Variants in SIPA1L1 observed in about 807,000 individuals in gnomAD.
The protein encoded by SIPA1L1 is signal-induced proliferation-associated 1-like protein 1.
In SIPA1L1, 26 loss-of-function variants were observed where a neutral mutation model predicts 162.7. The observed-to-expected ratio is 0.16, with a 90% confidence interval of 0.12 to 0.22. The LOEUF (loss-of-function observed/expected upper bound fraction) is 0.22, where lower values mean the gene tolerates loss of function less well. Ranked by LOEUF, SIPA1L1 falls within the 10% of genes least tolerant of loss-of-function variation. SIPA1L1 has a pLI of 1.00. For missense variants in SIPA1L1, 1,874 were observed against 2,241.0 expected (o/e 0.84, Z 3.31); for synonymous variants, 829 against 837.4 (o/e 0.99, Z 0.17).
At chr14:71,414,762 T>C (rs1043415511) in intron 2 of SIPA1L1, among the ~76,000 whole-genome samples, 14 of 152,232 alleles carry the variant, frequency 9.2e-5, no homozygotes, top group African/African-American at 3.4e-4. Context: ...TGCCAGGCTT[T>C]TCCTGAATAA....
intron 12 of SIPA1L1, among the ~76,000 whole-genome samples, chr14:71,678,138 C>G (rs2045402658): frequency 6.6e-6 from 1 of 152,288 alleles, no homozygotes; most frequent in Admixed American, 6.5e-5. Flanking sequence ...TTATTTCTTT[C>G]TCCTGCCTGA....
intron 4 of SIPA1L1, among the ~76,000 whole-genome samples, chr14:71,546,359 GT>G (rs927451157): frequency 2.9e-5 from 4 of 135,958 alleles, no homozygotes; most frequent in African/African-American, 5.5e-5. Flanking sequence ...TCTCTGTATT[GT>G]TTTTTCTTTT....
intron 4 of SIPA1L1, among the ~76,000 whole-genome samples, chr14:71,564,488 TTC>T (rs891044782): frequency 1.1e-5 from 1 of 92,858 alleles, no homozygotes; most frequent in African/African-American, 5.3e-5. Context: ...GGCATTTTCT[TTC>T]TTTTTTTTTT....
chr14:71,361,340 G>A (rs2037794664), intron 2 of SIPA1L1, among the ~76,000 whole-genome samples: 1 of 151,926 alleles, frequency 6.6e-6, no homozygotes, highest in Non-Finnish European at 1.5e-5. Flanking sequence ...TGGGGTATTG[G>A]GTCTTTTTTG....
At chr14:71,412,229 A>G (rs1419314548) in intron 2 of SIPA1L1, among the ~76,000 whole-genome samples, 2 of 152,234 alleles carry the variant, frequency 1.3e-5, no homozygotes, top group Admixed American at 1.3e-4. Context: ...CCCACGAGCC[A>G]CATGTGGCAC....
chr14:71,406,556 G>A (rs1372416080), intron 2 of SIPA1L1, among the ~76,000 whole-genome samples: 1 of 151,890 alleles, frequency 6.6e-6, no homozygotes, highest in Admixed American at 6.6e-5. Context: ...TTGATAAGAG[G>A]GTTGCCTCAA....
intron 13 of SIPA1L1, among the ~76,000 whole-genome samples, chr14:71,690,694 A>G (rs924968353): frequency 1.3e-5 from 2 of 151,938 alleles, no homozygotes; most frequent in Non-Finnish European, 2.9e-5. Context: ...CTTTGCGCCT[A>G]TCTCATCACC....
intron 2 of SIPA1L1, among the ~76,000 whole-genome samples, chr14:71,389,467 G>A (rs12878989): frequency 0.22 from 33,871 of 152,018 alleles, 3,956 homozygotes; most frequent in Middle Eastern, 0.37. Flanking sequence ...TTGAATTTCT[G>A]TTTTTAAGAT....
intron 4 of SIPA1L1, among the ~76,000 whole-genome samples, chr14:71,550,105 G>A (rs1477724862): frequency 6.6e-6 from 1 of 152,126 alleles, no homozygotes; most frequent in Non-Finnish European, 1.5e-5. Flanking sequence ...AAAAAAATTA[G>A]CCAGGTGTGT....
At chr14:71,686,731 A>G (rs1040848412) in intron 13 of SIPA1L1, among the ~76,000 whole-genome samples, 12 of 152,068 alleles carry the variant, frequency 7.9e-5, no homozygotes, top group African/African-American at 2.9e-4. Flanking sequence ...CTTTCTGTCC[A>G]TCCACTGTCC....
In SIPA1L1 at chr14:71,656,626, A is replaced by C. The variant is rs552695654; in HGVS notation, c.1994-1707A>C. On this transcript the variant is annotated intron_variant, in intron 8 of 23. Transcript: ENST00000381232. ...TTTATATGTTGTTACATAGTTTTCC[A>C]ATTTTTGAAAAGTAGTCTTTGCTTT... Among the ~76,000 whole-genome samples, 100 of 152,338 alleles carry C rather than the reference A, an allele frequency of 6.6e-4. 1 individual carries two copies. Among genetic ancestry groups the C allele is most frequent in the Admixed American group, 3.5e-3 (54 of 15,298 alleles).
intron 2 of SIPA1L1, among the ~76,000 whole-genome samples, chr14:71,442,371 T>C (rs2044965106): frequency 6.6e-6 from 1 of 152,092 alleles, no homozygotes; most frequent in East Asian, 1.9e-4. Flanking sequence ...AGAGTATAGA[T>C]GGAAGCATAA....
intron 2 of SIPA1L1, among the ~76,000 whole-genome samples, chr14:71,389,256 G>A (rs1367935566): frequency 6.6e-6 from 1 of 152,152 alleles, no homozygotes; most frequent in Non-Finnish European, 1.5e-5. Flanking sequence ...AGGGACCAGT[G>A]GGTCAAAGCT....
At chr14:71,341,244 C>T (rs2035619389) in intron 2 of SIPA1L1, among the ~76,000 whole-genome samples, 1 of 152,156 alleles carries the variant, frequency 6.6e-6, no homozygotes, top group African/African-American at 2.4e-5. Flanking sequence ...TTGTAATAAC[C>T]ACAGAGTTTT....
chr14:71,570,558 C>T (rs115943496), intron 4 of SIPA1L1, among the ~76,000 whole-genome samples: 1 of 152,244 alleles, frequency 6.6e-6, no homozygotes, highest in African/African-American at 2.4e-5. Flanking sequence ...AGCCACTGTG[C>T]TTGGCCCAGT....
At chr14:71,418,329 A>G (rs2042948427) in intron 2 of SIPA1L1, 1 of 152,186 alleles carries the variant, frequency 6.6e-6, no homozygotes, top group African/African-American at 2.4e-5. Flanking sequence ...TAATGGTACC[A>G]TGTTGCCCAC....
chr14:71,690,278 G>T (rs2081163223), intron 13 of SIPA1L1, among the ~76,000 whole-genome samples: 1 of 151,762 alleles, frequency 6.6e-6, no homozygotes, highest in African/African-American at 2.4e-5. Context: ...TTGTGACAGG[G>T]TCTCACTCTG....
intron 8 of SIPA1L1, among the ~76,000 whole-genome samples, chr14:71,655,951 G>A (rs2043017919): frequency 1.3e-5 from 2 of 151,866 alleles, no homozygotes; most frequent in Non-Finnish European, 2.9e-5. Flanking sequence ...TTTCTTTATA[G>A]CAAACATTCT....
chr14:71,669,258 G>A (rs1369658167), intron 10 of SIPA1L1, among the ~76,000 whole-genome samples: 16 of 152,114 alleles, frequency 1.1e-4, no homozygotes, highest in Non-Finnish European at 4.4e-5. Flanking sequence ...CTAATTATTG[G>A]TAGGTTTTCA....
Sources: allele counts gnomAD v4.1 joint callset (sites outside exome capture counted in the v4.1 genomes callset), GRCh38; gene constraint gnomAD v4.1.1; transcripts MANE v1.5; gene names NCBI Gene and HGNC (gene_info 2026-07-23, HGNC 2026-07-21).